The following INPP5A variants were observed in gnomAD, a reference collection of about 807,000 sequenced individuals.
The protein encoded by INPP5A is 43 kDa inositol polyphosphate 5-phophatase.
In INPP5A, 14 loss-of-function variants were observed where a neutral mutation model predicts 65.2. The observed-to-expected ratio is 0.21, with a 90% CI of 0.14 to 0.34. The LOEUF (loss-of-function observed/expected upper bound fraction) is 0.34, where lower values mean the gene tolerates loss of function less well. INPP5A is among the 10% of genes least tolerant of loss of function. The pLI is 1.00. For missense variants in INPP5A, 431 were observed against 545.6 expected (o/e 0.79, Z 2.09); for synonymous variants, 207 against 208.3 (o/e 0.99, Z 0.05).
intron 12 of INPP5A, among the ~76,000 whole-genome samples, chr10:132,771,644 C>G (rs56352957): frequency 7.5e-4 from 82 of 109,664 alleles, no homozygotes; most frequent in African/African-American, 2.6e-3. Flanking sequence ...CACGGAGGCC[C>G]CGGCAGCCGC....
chr10:132,599,026 C>G (rs1291508277), intron 1 of INPP5A, among the ~76,000 whole-genome samples: 1 of 152,180 alleles, frequency 6.6e-6, no homozygotes, highest in Non-Finnish European at 1.5e-5. Context: ...AGATACAATT[C>G]AAGTGAGATT....
At chr10:132,660,730 G>T (rs573391915) in intron 4 of INPP5A, among the ~76,000 whole-genome samples, 1 of 152,240 alleles carries the variant, frequency 6.6e-6, no homozygotes, top group East Asian at 1.9e-4. Flanking sequence ...TAGGTAGTCA[G>T]TGGGGACCAT....
intron 4 of INPP5A, among the ~76,000 whole-genome samples, chr10:132,683,357 T>C (rs1188029368): frequency 6.6e-6 from 1 of 152,160 alleles, no homozygotes; most frequent in Non-Finnish European, 1.5e-5. Flanking sequence ...CTGTGTATTA[T>C]ATACATATGC....
intron 2 of INPP5A, among the ~76,000 whole-genome samples, chr10:132,633,976 A>G (rs1281679241): frequency 2.0e-5 from 3 of 152,232 alleles, no homozygotes; most frequent in Non-Finnish European, 4.4e-5. Context: ...GAGCATTTGA[A>G]GCAAAAACCA....
chr10:132,759,375 C>G (rs961501668), intron 11 of INPP5A, among the ~76,000 whole-genome samples: 2 of 145,958 alleles, frequency 1.4e-5, no homozygotes, highest in African/African-American at 5.0e-5. Context: ...TCATGCCAGA[C>G]AGAAGCTGTG....
chr10:132,687,598 C>T (rs1564964732), intron 4 of INPP5A, among the ~76,000 whole-genome samples: 1 of 152,246 alleles, frequency 6.6e-6, no homozygotes, highest in Non-Finnish European at 1.5e-5. Context: ...ATCTCCGTCC[C>T]CTAGACAGAA....
At chr10:132,628,463 C>CGGGGGGGGGGG (rs55668291) in intron 2 of INPP5A, among the ~76,000 whole-genome samples, 5 of 23,312 alleles carry the variant, frequency 2.1e-4, no homozygotes, top group Non-Finnish European at 3.0e-4. Context: ...GCTCTGGTGG[C>CGGGGGGGGGGG]GGGGGGGGGG....
At chr10:132,723,659 GC>G (rs1237311666) in intron 8 of INPP5A, among the ~76,000 whole-genome samples, 2 of 151,540 alleles carry the variant, frequency 1.3e-5, no homozygotes, top group African/African-American at 2.4e-5. Flanking sequence ...GTGGGGATTG[GC>G]TGTGTGGGGA....
At chr10:132,580,378 CATG>C (rs2071467829) in intron 1 of INPP5A, among the ~76,000 whole-genome samples, 1 of 152,172 alleles carries the variant, frequency 6.6e-6, no homozygotes, top group African/African-American at 2.4e-5. Context: ...CCTGCTCCAC[CATG>C]GTAAGGCGTG....
chr10:132,667,821 T>TTC (rs1299195732), intron 4 of INPP5A, among the ~76,000 whole-genome samples: 3 of 152,174 alleles, frequency 2.0e-5, no homozygotes, highest in African/African-American at 7.2e-5. Context: ...TATTTCTCGG[T>TTC]AATGAACTGG....
intron 4 of INPP5A, among the ~76,000 whole-genome samples, chr10:132,684,411 A>G (rs568919791): frequency 6.6e-6 from 1 of 152,286 alleles, no homozygotes; most frequent in East Asian, 1.9e-4. Context: ...ATGTGTGTGT[A>G]TTACATATGT....
intron 1 of INPP5A, among the ~76,000 whole-genome samples, chr10:132,572,834 T>C (rs1335681380): frequency 6.6e-6 from 1 of 152,222 alleles, no homozygotes; most frequent in East Asian, 1.9e-4. Context: ...CTTGCTCTGC[T>C]GATTGCTGAA....
intron 13 of INPP5A, among the ~76,000 whole-genome samples, chr10:132,779,571 C>G (rs977056685): frequency 2.0e-5 from 3 of 152,234 alleles, no homozygotes; most frequent in African/African-American, 7.2e-5. Context: ...CTCTCGGGTT[C>G]TCTGGATCCG....
intron 8 of INPP5A, 83 bp downstream of exon 8, chr10:132,710,539 G>T (rs1845616730): frequency 6.5e-7 from 1 of 1,535,118 alleles, no homozygotes; most frequent in Non-Finnish European, 8.8e-7. Context: ...GTAGGTGTGG[G>T]CGGACAAGTA....
intron 9 of INPP5A, among the ~76,000 whole-genome samples, chr10:132,734,252 GC>G (rs1434122957): frequency 2.6e-5 from 4 of 152,136 alleles, no homozygotes; most frequent in African/African-American, 9.6e-5. Context: ...CCCGGCAGTG[GC>G]CACCGTCACT....
At chr10:132,777,525 T>G in intron 12 of INPP5A, 146 bp from the exon 13 acceptor site, 1 of 676,898 alleles carries the variant, frequency 1.5e-6, no homozygotes. Context: ...TGGTTTTATA[T>G]TCTAGAAACT....
At chr10:132,726,148 T>G (rs1845980223) in intron 8 of INPP5A, among the ~76,000 whole-genome samples, 1 of 152,220 alleles carries the variant, frequency 6.6e-6, no homozygotes, top group Non-Finnish European at 1.5e-5. Flanking sequence ...TGTGATTGAT[T>G]GAAAATATGA....
chr10:132,596,955 A>ACGTGTGTGCGTGTGTG lies in INPP5A; in HGVS notation c.76-10959_76-10958insGTGTGTGCGTGTGTGC, dbSNP rs1564929090. 2.9e-3 allele frequency among the ~76,000 whole-genome samples: 345 copies of ACGTGTGTGCGTGTGTG among 118,126 alleles called. 1 individual carries two copies. The highest frequency in any genetic ancestry group is 0.012 in the African/African-American group (323 of 26,460). 77.5% of individuals were successfully genotyped at this position (118,126 alleles called of 152,430 possible). On this transcript the variant is annotated intron_variant, in intron 1 of 15. Transcript: ENST00000368594. ...TGCACGCATGTGTGCGTGTGTGCAC[A>ACGTGTGTGCGTGTGTG]CATGTGTGCGTGTGTGCATGCGTGT...
intron 12 of INPP5A, among the ~76,000 whole-genome samples, chr10:132,775,603 C>T (rs1847051565): frequency 1.3e-5 from 2 of 152,146 alleles, no homozygotes; most frequent in East Asian, 1.9e-4. Flanking sequence ...CCCCCAACAG[C>T]CTGGCCAGGA....
Sources: gnomAD v4.1 joint callset for allele counts (sites outside exome capture counted in the v4.1 genomes callset) on GRCh38, gnomAD v4.1.1 for gene constraint, MANE v1.5 for transcripts, NCBI Gene and HGNC (gene_info 2026-07-23, HGNC 2026-07-21) for gene names.